The following MPDZ variants were observed in gnomAD, a reference collection of about 807,000 sequenced individuals.
The protein encoded by MPDZ is multiple PDZ domain crumbs cell polarity complex component.
MPDZ carries 234 observed loss-of-function variants against 239.1 expected under a neutral mutation model. That is an observed-to-expected ratio of 0.98 (90% confidence interval 0.88 to 1.09). The LOEUF (loss-of-function observed/expected upper bound fraction) is 1.09. Ranked by LOEUF, MPDZ falls within the 50% of genes least tolerant of loss-of-function variation. The pLI, the probability that MPDZ is intolerant of heterozygous loss-of-function variation, is 0.00. For synonymous variants in MPDZ, 1,048 were observed against 881.3 expected (o/e 1.19, Z -3.35); for missense variants, 3,175 against 2,510.0 (o/e 1.26, Z -5.66).
intron 18 of MPDZ, 27 bp downstream of exon 18, chr9:13,186,243 A>C: frequency 7.4e-7 from 1 of 1,353,004 alleles, no homozygotes; most frequent in East Asian, 2.5e-5. Context: ...TTTCTGAAAG[A>C]AAGCTTGATA....
At chr9:13,251,172 AAATG>A (rs1030001353) in intron 1 of MPDZ, among the ~76,000 whole-genome samples, 1 of 151,770 alleles carries the variant, frequency 6.6e-6, no homozygotes, top group African/African-American at 2.4e-5. Context: ...AGAAAAAAAG[AAATG>A]AATGTGACAC....
At chr9:13,170,301 T>C (rs1951621657) in intron 21 of MPDZ, among the ~76,000 whole-genome samples, 1 of 152,200 alleles carries the variant, frequency 6.6e-6, no homozygotes. Context: ...ATTTTGTTTC[T>C]AGCCTAATAT....
At chr9:13,189,965 T>C (rs1954667329) in intron 16 of MPDZ, 149 bp downstream of exon 16, 6 of 636,982 alleles carry the variant, frequency 9.4e-6, no homozygotes, top group South Asian at 2.7e-5. Flanking sequence ...AAATCCTTTA[T>C]GATAATCAGT....
chr9:13,220,758 A>G (rs903607816), intron 7 of MPDZ, among the ~76,000 whole-genome samples: 2 of 152,034 alleles, frequency 1.3e-5, no homozygotes, highest in African/African-American at 4.8e-5. Flanking sequence ...TATTTTTTAA[A>G]AAGTTATAAT....
At chr9:13,173,794 A>C (rs2134094728) in intron 21 of MPDZ, among the ~76,000 whole-genome samples, 1 of 152,190 alleles carries the variant, frequency 6.6e-6, no homozygotes, top group Non-Finnish European at 1.5e-5. Context: ...GAGCCTCCTA[A>C]CTGCTTCACC....
chr9:13,243,687 A>G (rs1564116088), intron 3 of MPDZ, among the ~76,000 whole-genome samples: 1 of 152,230 alleles, frequency 6.6e-6, no homozygotes, highest in Non-Finnish European at 1.5e-5. Context: ...ATCCCATGTT[A>G]ACACAGCATC....
rs1219352819 is a variant in MPDZ at position 13,123,236 on chromosome 9, G to C, written c.4870C>G (p.Pro1624Ala). Reference sequence around the variant, plus strand: ...ATCTCGATGGTTGTTTCGCAGCCAGGGATAATGGGGCAGGTTGCAGGATCA... The same window carrying C: ...ATCTCGATGGTTGTTTCGCAGCCAGCGATAATGGGGCAGGTTGCAGGATCA... Reference protein sequence around the residue: ...ASDPATCPIIPGCETTIEISK... With the variant: ...ASDPATCPIIAGCETTIEISK... The change falls in exon 36 of 47, where the codon CCT becomes GCT. Residue 1624 changes from proline (P) to alanine (A), a missense_variant. By Grantham distance (27) the Pro-to-Ala change is conservative. Coordinates refer to ENST00000319217, the MANE Select transcript of MPDZ (RefSeq NM_001378778.1). 6.2e-7 allele frequency: 1 copy of C among 1,613,512 alleles called. No individual in the cohort carries two copies. Among genetic ancestry groups the C allele is most frequent in the Non-Finnish European group, 8.5e-7 (1 of 1,179,772 alleles).
chr9:13,238,674 T>G (rs1472910998), intron 3 of MPDZ, among the ~76,000 whole-genome samples: 5 of 152,266 alleles, frequency 3.3e-5, no homozygotes, highest in African/African-American at 1.2e-4. Flanking sequence ...CTCCACAAAT[T>G]TTGATGCACT....
intron 1 of MPDZ, among the ~76,000 whole-genome samples, chr9:13,256,183 C>T (rs1350520685): frequency 3.9e-5 from 6 of 152,182 alleles, no homozygotes; most frequent in African/African-American, 1.4e-4. Flanking sequence ...AGCTCCGTCA[C>T]CTCTCTCAGC....
Position 13,109,063 on chromosome 9 carries a change from C to T in MPDZ, c.5943-4G>A, listed in dbSNP as rs746143069. On this transcript the variant is annotated splice_region_variant and splice_polypyrimidine_tract_variant and intron_variant, in intron 45 of 46. Coordinates refer to ENST00000319217, the MANE Select transcript of MPDZ (RefSeq NM_001378778.1). ...AATAGACTTACATTGAGGAGGTCTA[C>T]GGTGAAGGAAAGGAAAAAGAGGTTT... 44 of 1,391,920 alleles carry T rather than the reference C, an allele frequency of 3.2e-5. No homozygotes were observed. Among genetic ancestry groups the T allele is most frequent in the Admixed American group, 1.5e-4 (5 of 33,244 alleles). The allele number at this position is 1,391,920 out of a possible 1,614,324, so 86.2% of individuals were successfully genotyped here.
At chr9:13,147,254 T>G (rs538328905) in intron 26 of MPDZ, among the ~76,000 whole-genome samples, 1 of 152,038 alleles carries the variant, frequency 6.6e-6, no homozygotes, top group Non-Finnish European at 1.5e-5. Context: ...TTTTAATAAC[T>G]TGTGTATTTT....
At chr9:13,228,373 T>C (rs924186130) in intron 3 of MPDZ, among the ~76,000 whole-genome samples, 49 of 152,224 alleles carry the variant, frequency 3.2e-4, no homozygotes, top group Non-Finnish European at 1.5e-5. Context: ...GCAAATTCTA[T>C]GTGAAAGGGC....
intron 1 of MPDZ, among the ~76,000 whole-genome samples, chr9:13,267,085 G>A (rs1386844689): frequency 1.3e-5 from 2 of 152,116 alleles, no homozygotes; most frequent in East Asian, 1.9e-4. Flanking sequence ...ACAATTTAAA[G>A]CAACAATCTA....
In MPDZ at chr9:13,232,032, C is replaced by A. The variant is rs73408231; in HGVS notation, c.184-7449G>T. 9.4e-3 allele frequency among the ~76,000 whole-genome samples: 1,431 copies of A among 152,094 alleles called. 25 individuals carry two copies. Among genetic ancestry groups the A allele is most frequent in the African/African-American group, 0.033 (1,368 of 41,490 alleles). On this transcript the variant is annotated intron_variant, in intron 3 of 46. Coordinates refer to ENST00000319217, the MANE Select transcript of MPDZ (RefSeq NM_001378778.1). Reference sequence around the variant, plus strand: ...GAGAAAAAAAATAATGGATAAAATCCATGCTATTACCACTTCTATTCAATA... The same window carrying A: ...GAGAAAAAAAATAATGGATAAAATCAATGCTATTACCACTTCTATTCAATA...
chr9:13,136,573 G>A (rs753176435), intron 30 of MPDZ, 139 bp downstream of exon 30: 114 of 616,344 alleles, frequency 1.8e-4, no homozygotes, highest in East Asian at 9.6e-4. Context: ...TGATCCGCCC[G>A]CCTCAGCCTC....
intron 22 of MPDZ, among the ~76,000 whole-genome samples, chr9:13,163,268 C>G (rs1478993419): frequency 6.6e-6 from 1 of 152,010 alleles, no homozygotes; most frequent in African/African-American, 2.4e-5. Flanking sequence ...ATAATTAATT[C>G]TAGAGATTAA....
At chr9:13,172,416 CTT>C (rs1180684748) in intron 21 of MPDZ, among the ~76,000 whole-genome samples, 1 of 145,584 alleles carries the variant, frequency 6.9e-6, no homozygotes, top group Admixed American at 6.9e-5. Context: ...AAGTTTTGCT[CTT>C]GTCACCTAGG....
chr9:13,266,183 C>G (rs1588212108), intron 1 of MPDZ, among the ~76,000 whole-genome samples: 1 of 152,218 alleles, frequency 6.6e-6, no homozygotes, highest in Non-Finnish European at 1.5e-5. Context: ...CAGTCAGTGG[C>G]TTTCATGATT....
intron 35 of MPDZ, among the ~76,000 whole-genome samples, chr9:13,124,464 C>T (rs999113789): frequency 1.3e-5 from 2 of 152,162 alleles, no homozygotes; most frequent in African/African-American, 2.4e-5. Flanking sequence ...CCCCCCGTTA[C>T]AGAAAAAGCC....
Sources: allele counts gnomAD v4.1 joint callset (sites outside exome capture counted in the v4.1 genomes callset), GRCh38; gene constraint gnomAD v4.1.1; transcripts MANE v1.5; gene names NCBI Gene and HGNC (gene_info 2026-07-23, HGNC 2026-07-21).